The following TRIP12 variants were observed in gnomAD, a reference collection of about 807,000 sequenced individuals.
The protein encoded by TRIP12 is thyroid hormone receptor interactor 12.
A neutral mutation model predicts 244.2 loss-of-function variants in TRIP12; 25 were observed. The observed-to-expected ratio is 0.10, with a 90% CI of 0.07 to 0.14. The LOEUF (loss-of-function observed/expected upper bound fraction) is 0.14, where lower values mean the gene tolerates loss of function less well. Among genes scored for constraint, TRIP12 ranks in the 10% least tolerant of loss-of-function variants. TRIP12 has a pLI of 1.00. For missense variants in TRIP12, 1,677 were observed against 2,486.4 expected, an observed-to-expected ratio of 0.67 and a Z score of 6.92; for synonymous variants, 905 against 873.1, an observed-to-expected ratio of 1.04 and a Z score of -0.64.
intron 1 of TRIP12, among the ~76,000 whole-genome samples, chr2:229,886,646 T>C (rs2066093375): frequency 6.6e-6 from 1 of 152,120 alleles, no homozygotes. Flanking sequence ...TTTGTATTTT[T>C]AGTACAGACA....
chr2:229,858,711 CT>C, intron 4 of TRIP12, 60 bp downstream of exon 4: 2 of 1,437,020 alleles, frequency 1.4e-6, no homozygotes, highest in Non-Finnish European at 1.9e-6. Context: ...AGCATAATTG[CT>C]TTTGACAAAC....
intron 6 of TRIP12, among the ~76,000 whole-genome samples, chr2:229,834,219 T>A (rs888660279): frequency 6.6e-6 from 1 of 152,228 alleles, no homozygotes; most frequent in Non-Finnish European, 1.5e-5. Context: ...ACATTCTACA[T>A]GGAGTGACAA....
chr2:229,775,166 A>G (rs937762216), intron 37 of TRIP12, among the ~76,000 whole-genome samples: 3 of 152,142 alleles, frequency 2.0e-5, no homozygotes, highest in African/African-American at 7.2e-5. Flanking sequence ...TTAATTAGTC[A>G]TTTTTTAAAG....
At chr2:229,867,509 G>A (rs2061775918) in intron 2 of TRIP12, among the ~76,000 whole-genome samples, 1 of 151,910 alleles carries the variant, frequency 6.6e-6, no homozygotes, top group Non-Finnish European at 1.5e-5. Flanking sequence ...TGAGAAAAAG[G>A]GAGGAAAACA....
Position 229,791,854 on chromosome 2 carries a change from T to A in TRIP12, c.4415+12A>T, listed in dbSNP as rs765585898. The A allele has an allele frequency of 3.1e-6, 5 of 1,606,602 alleles. No homozygotes were observed. Among genetic ancestry groups the A allele is most frequent in the Admixed American group, 1.7e-5 (1 of 57,994 alleles). On this transcript the variant is annotated intron_variant, in intron 29 of 41. Coordinates refer to ENST00000675903, the MANE Select transcript of TRIP12 (RefSeq NM_001348323.3). ...TTTATGAAAAAACAAAAGAAAGAAT[T>A]TTCAGACTTGCCATATTGTATGAGT...
At position 229,796,752 on chromosome 2, in the gene TRIP12, T is replaced by C. The variant is rs374034692; in HGVS notation, c.3655A>G (p.Ile1219Val). 3 of 1,600,742 alleles carry C rather than the reference T, an allele frequency of 1.9e-6. No individual in the cohort carries two copies. Among genetic ancestry groups the C allele is most frequent in the Non-Finnish European group, 2.6e-6 (3 of 1,175,842 alleles). The change falls in exon 25 of 42, where the codon ATC (isoleucine) becomes GTC (valine). Residue 1219 changes from isoleucine (I) to valine (V), a missense_variant. By Grantham distance (29) the Ile-to-Val change is conservative. Coordinates refer to ENST00000675903, the MANE Select transcript of TRIP12 (RefSeq NM_001348323.3). ...VDGGAECLVE[I>V]RSIVSESDVS... ...TCTGACTCTGAGACTATGCTACGGA[T>C]TTCTACAAGGCACTCAGCTCCACCA... is the stretch of plus-strand genomic sequence containing the variant.
intron 15 of TRIP12, among the ~76,000 whole-genome samples, chr2:229,810,499 G>A (rs577759699): frequency 6.6e-6 from 1 of 152,292 alleles, no homozygotes; most frequent in East Asian, 1.9e-4. Context: ...TCTGGAATCA[G>A]AAAAATTGCT....
At chr2:229,888,674 G>A (rs745911138) in intron 1 of TRIP12, among the ~76,000 whole-genome samples, 8 of 152,140 alleles carry the variant, frequency 5.3e-5, no homozygotes, top group Admixed American at 2.6e-4. Context: ...GCGTGGTAGC[G>A]CGCCTGTAGT....
intron 4 of TRIP12, among the ~76,000 whole-genome samples, chr2:229,841,458 G>C (rs975802564): frequency 1.3e-5 from 2 of 152,080 alleles, no homozygotes; most frequent in African/African-American, 4.8e-5. Context: ...GGATAATTAG[G>C]GGGGAGACTC....
chr2:229,858,369 C>CAT (rs1234449041), intron 4 of TRIP12, among the ~76,000 whole-genome samples: 15 of 152,064 alleles, frequency 9.9e-5, no homozygotes, highest in Admixed American at 3.3e-4. Context: ...TCTAAAAAAA[C>CAT]ATATATATAT....
rs533446919 is a variant in TRIP12 at position 229,916,428 on chromosome 2, C to T, written c.-50+5452G>A. On this transcript the variant is annotated intron_variant, in intron 1 of 41. Coordinates refer to ENST00000675903, the MANE Select transcript of TRIP12 (RefSeq NM_001348323.3). ...CATGATAGCCAAGTGTGGAGGTGCC[C>T]GTCTGTGATCCCAGTATTTGGGAGG... Among the ~76,000 whole-genome samples, 7 of 152,214 alleles carry T rather than the reference C, an allele frequency of 4.6e-5. No individual in the cohort carries two copies. In the East Asian group the frequency reaches 7.7e-4, roughly 17 times the overall value.
intron 13 of TRIP12, among the ~76,000 whole-genome samples, 194 bp downstream of exon 13, chr2:229,813,676 C>T (rs1311546446): frequency 6.6e-6 from 1 of 151,886 alleles, no homozygotes; most frequent in Non-Finnish European, 1.5e-5. Context: ...CCCAGCTACT[C>T]GGGAAGCTGA....
chr2:229,828,127 T>C (rs1351239041), intron 8 of TRIP12, among the ~76,000 whole-genome samples: 1 of 152,124 alleles, frequency 6.6e-6, no homozygotes, highest in Non-Finnish European at 1.5e-5. Flanking sequence ...CAAACTAATA[T>C]GGGAAGAAGG....
At chr2:229,890,852 T>C (rs2154361712) in intron 1 of TRIP12, among the ~76,000 whole-genome samples, 1 of 152,308 alleles carries the variant, frequency 6.6e-6, no homozygotes, top group African/African-American at 2.4e-5. Flanking sequence ...AAAGACTGCC[T>C]CTATATTGAG....
At chr2:229,843,033 T>G (rs1047217658) in intron 4 of TRIP12, among the ~76,000 whole-genome samples, 4 of 151,430 alleles carry the variant, frequency 2.6e-5, no homozygotes, top group Non-Finnish European at 5.9e-5. Flanking sequence ...TGTAGGTAAT[T>G]CTCTCTTATT....
intron 2 of TRIP12, among the ~76,000 whole-genome samples, chr2:229,870,312 G>A (rs1019118921): frequency 1.3e-5 from 2 of 152,200 alleles, no homozygotes; most frequent in Non-Finnish European, 2.9e-5. Context: ...AGGCCTAAAA[G>A]TTAAGCCTTA....
chr2:229,873,975 G>A (rs2063150490), intron 2 of TRIP12, among the ~76,000 whole-genome samples: 1 of 151,566 alleles, frequency 6.6e-6, no homozygotes, highest in Admixed American at 6.6e-5. Flanking sequence ...GCATGGAGAA[G>A]GCAAAGGAAG....
intron 13 of TRIP12, 96 bp from the exon 14 acceptor site, chr2:229,811,300 C>A: frequency 7.9e-7 from 1 of 1,267,208 alleles, no homozygotes; most frequent in South Asian, 1.4e-5. Context: ...CCAGATTCTT[C>A]AAGGCAAGCT....
intron 20 of TRIP12, 117 bp downstream of exon 20, chr2:229,803,454 G>T (rs1198168932): frequency 1.5e-6 from 1 of 679,244 alleles, no homozygotes; most frequent in Non-Finnish European, 2.4e-6. Context: ...TAAGCTAACA[G>T]AGCTTTAAAT....
Sources: gnomAD v4.1 joint callset for allele counts (sites outside exome capture counted in the v4.1 genomes callset) on GRCh38, gnomAD v4.1.1 for gene constraint, MANE v1.5 for transcripts, NCBI Gene and HGNC (gene_info 2026-07-23, HGNC 2026-07-21) for gene names.